Variants in NUSAP1 observed in about 807,000 individuals in gnomAD.
NUSAP1 encodes the protein nucleolar and spindle associated protein 1.
Under a neutral mutation model 52.8 loss-of-function variants are expected in NUSAP1, and 32 were observed. The ratio of observed to expected loss-of-function variants is 0.61; its 90% CI spans 0.46 to 0.81. The LOEUF is 0.81. NUSAP1 is among the 40% of genes least tolerant of loss of function. NUSAP1 has a pLI of 0.00. For missense variants in NUSAP1, 499 were observed against 522.3 expected (o/e 0.96, Z 0.43); for synonymous variants, 195 against 183.1 (o/e 1.06, Z -0.52).
chr15:41,351,348 T>A (rs1021339486), intron 4 of NUSAP1, among the ~76,000 whole-genome samples: 3 of 152,176 alleles, frequency 2.0e-5, no homozygotes, highest in African/African-American at 7.2e-5. Flanking sequence ...GACTCCTTCC[T>A]TGCCTCTGAC....
chr15:41,366,575 C>A (rs1567067104), intron 7 of NUSAP1, among the ~76,000 whole-genome samples: 1 of 152,208 alleles, frequency 6.6e-6, no homozygotes, highest in Non-Finnish European at 1.5e-5. Flanking sequence ...AGCCACCGCG[C>A]CTGGCCGCAC....
chr15:41,340,244 C>T (rs926454372), intron 1 of NUSAP1, among the ~76,000 whole-genome samples: 121 of 152,206 alleles, frequency 7.9e-4, no homozygotes, highest in South Asian at 2.1e-4. Flanking sequence ...TCTTGGCGCT[C>T]GCTCTGCTCG....
At chr15:41,377,419 G>A in intron 10 of NUSAP1, 115 bp downstream of exon 10, 1 of 562,052 alleles carries the variant, frequency 1.8e-6, no homozygotes, top group Non-Finnish European at 3.1e-6. Flanking sequence ...TGGTATTATG[G>A]CCGTGTGCGG....
At chr15:41,377,946 C>T (rs1026487729) in intron 10 of NUSAP1, among the ~76,000 whole-genome samples, 3 of 151,646 alleles carry the variant, frequency 2.0e-5, no homozygotes, top group Admixed American at 6.6e-5. Context: ...GCCGAGATCA[C>T]GCCACTGCAC....
chr15:41,354,670 GATATAT>G (rs10541882), intron 4 of NUSAP1, among the ~76,000 whole-genome samples: 14 of 146,082 alleles, frequency 9.6e-5, no homozygotes, highest in Non-Finnish European at 1.1e-4. Flanking sequence ...TGTTTTAACC[GATATAT>G]ATATATATAT....
intron 2 of NUSAP1, 52 bp downstream of exon 2, chr15:41,342,506 G>A: frequency 1.5e-6 from 2 of 1,309,310 alleles, no homozygotes; most frequent in Admixed American, 4.3e-5. Flanking sequence ...AATCATATTT[G>A]GTTAATGGGC....
chr15:41,377,860 G>T (rs2050024149), intron 10 of NUSAP1, among the ~76,000 whole-genome samples: 1 of 151,544 alleles, frequency 6.6e-6, no homozygotes, highest in African/African-American at 2.4e-5. Flanking sequence ...AATTAGCCGG[G>T]CGTGGTGGCG....
At chr15:41,341,608 C>T (rs372921290) in intron 1 of NUSAP1, among the ~76,000 whole-genome samples, 1 of 152,130 alleles carries the variant, frequency 6.6e-6, no homozygotes, top group Admixed American at 6.6e-5. Context: ...TTCCCTCTTC[C>T]TCAACTCTCA....
In NUSAP1 at chr15:41,333,062, G is replaced by A. The variant is rs762194136; in HGVS notation, c.93+12G>A. 3 of 1,602,302 alleles carry A rather than the reference G, an allele frequency of 1.9e-6. No individual in the cohort carries two copies. Among genetic ancestry groups the A allele is most frequent in the Non-Finnish European group, 1.7e-6 (2 of 1,173,644 alleles). ...GGGCCAACCTGAGGGTACGGCGCTGGCGGTGCGGGTCCCTGGGCGGGCGCG... is the reference window on the plus strand; with the variant it reads ...GGGCCAACCTGAGGGTACGGCGCTGACGGTGCGGGTCCCTGGGCGGGCGCG... On this transcript the variant is annotated intron_variant, in intron 1 of 10. Transcript: ENST00000559596.
rs371221119 is a variant in NUSAP1, at chr15:41,355,130, A to G, written c.449-909A>G. 2.7e-3 allele frequency among the ~76,000 whole-genome samples: 399 copies of G among 149,962 alleles called. 1 individual carries two copies. The highest frequency in any genetic ancestry group is 9.2e-3 in the African/African-American group (376 of 40,804). On this transcript the variant is annotated intron_variant, in intron 4 of 10. Transcript: ENST00000559596. Reference sequence around the variant, plus strand: ...CTCCCAAAGTGCTGGGATTACAGGCATGAGCCACTGCACCTGGCCAACTTT... The same window carrying G: ...CTCCCAAAGTGCTGGGATTACAGGCGTGAGCCACTGCACCTGGCCAACTTT...
intron 8 of NUSAP1, among the ~76,000 whole-genome samples, chr15:41,373,662 T>C (rs542414125): frequency 6.6e-6 from 1 of 151,834 alleles, no homozygotes; most frequent in East Asian, 2.0e-4. Flanking sequence ...ATTGGCCAGG[T>C]TGGTCTTGAA....
At chr15:41,365,627 T>C (rs373422943) in intron 7 of NUSAP1, 38 bp downstream of exon 7, 13 of 1,522,040 alleles carry the variant, frequency 8.5e-6, no homozygotes, top group Non-Finnish European at 1.2e-5. Flanking sequence ...ATGAACAAGA[T>C]TTCACATGGA....
At chr15:41,356,378 A>T (rs2048972502) in intron 5 of NUSAP1, among the ~76,000 whole-genome samples, 1 of 133,648 alleles carries the variant, frequency 7.5e-6, no homozygotes, top group Non-Finnish European at 1.5e-5. Context: ...TTTTTGAGAC[A>T]GAGTCTTGCT....
intron 8 of NUSAP1, among the ~76,000 whole-genome samples, chr15:41,372,698 C>CT (rs1415335951): frequency 2.0e-5 from 3 of 151,890 alleles, no homozygotes; most frequent in Non-Finnish European, 2.9e-5. Context: ...GGGTTTTGTG[C>CT]TTTTTTTTAA....
At chr15:41,373,930 C>T (rs2049817468) in intron 8 of NUSAP1, among the ~76,000 whole-genome samples, 1 of 152,078 alleles carries the variant, frequency 6.6e-6, no homozygotes, top group Admixed American at 6.6e-5. Flanking sequence ...CCAGCTGATC[C>T]TAGGATCCCA....
intron 10 of NUSAP1, among the ~76,000 whole-genome samples, chr15:41,378,946 T>G (rs1475778562): frequency 3.9e-4 from 36 of 93,206 alleles, no homozygotes; most frequent in African/African-American, 1.5e-3. Flanking sequence ...TTATCTTGGT[T>G]TTTTTTTTTT....
At chr15:41,336,245 A>C (rs1020301361) in intron 1 of NUSAP1, among the ~76,000 whole-genome samples, 2 of 151,136 alleles carry the variant, frequency 1.3e-5, no homozygotes, top group African/African-American at 4.9e-5. Flanking sequence ...CAGCCTGGGC[A>C]ACAAGAGCGA....
chr15:41,358,021 T>C (rs2140699301), intron 5 of NUSAP1, 128 bp from the exon 6 acceptor site: 1 of 515,824 alleles, frequency 1.9e-6, no homozygotes, highest in Non-Finnish European at 3.5e-6. Flanking sequence ...ATTAATGTTT[T>C]AGCAAAAATT....
At position 41,342,367 on chromosome 15, in the gene NUSAP1, A is replaced by G; in HGVS notation, c.94-19A>G. 1 of 1,537,916 alleles carries G rather than the reference A, an allele frequency of 6.5e-7. No individual in the cohort carries two copies. Among genetic ancestry groups the G allele is most frequent in the African/African-American group, 1.4e-5 (1 of 72,492 alleles). ...TGTTTATTTGACTTTTGGCTCTAAT[A>G]ATAAGGTCTCTCTTGCAGGCAACCA... On this transcript the variant is annotated intron_variant, in intron 1 of 10. Coordinates refer to ENST00000559596, the MANE Select transcript of NUSAP1 (RefSeq NM_016359.5).
Sources: allele counts gnomAD v4.1 joint callset (sites outside exome capture counted in the v4.1 genomes callset), GRCh38; gene constraint gnomAD v4.1.1; transcripts MANE v1.5; gene names NCBI Gene and HGNC (gene_info 2026-07-23, HGNC 2026-07-21).